Variants in COL5A2 observed in about 807,000 individuals in gnomAD.
COL5A2 encodes collagen type V alpha 2 chain.
COL5A2 carries 23 observed loss-of-function variants against 208.2 expected under a neutral mutation model. The observed-to-expected ratio is 0.11, with a 90% confidence interval of 0.08 to 0.16. The LOEUF is 0.16. COL5A2 is among the 10% of genes least tolerant of loss of function. The pLI, the probability that COL5A2 is intolerant of heterozygous loss-of-function variation, is 1.00. For synonymous variants in COL5A2, 625 were observed against 628.5 expected, an observed-to-expected ratio of 0.99 and a Z score of 0.08; for missense variants, 1,590 against 1,956.4, an observed-to-expected ratio of 0.81 and a Z score of 3.53.
At chr2:189,118,029 A>G (rs1337371548) in intron 1 of COL5A2, among the ~76,000 whole-genome samples, 2 of 152,056 alleles carry the variant, frequency 1.3e-5, no homozygotes, top group Admixed American at 1.3e-4. Context: ...GGATTTTTAT[A>G]TCTAAAGTCA....
In COL5A2 at chr2:189,217,340, G is replaced by C. The variant is rs184584132; in HGVS notation, c.-42+7808C>G. Among the ~76,000 whole-genome samples, 9 of 152,212 alleles carry C rather than the reference G, an allele frequency of 5.9e-5. 1 individual carries two copies. Among genetic ancestry groups the C allele is most frequent in the Admixed American group, 5.9e-4 (9 of 15,296 alleles). On this transcript the variant is annotated intron_variant, in intron 1 of 10. Coordinates refer to the COL5A2 transcript ENST00000649966. ...GCACATAATCATATTTATAATACAA[G>C]TATAAAAAAAGATATTTTAACTGTA...
In COL5A2 at chr2:189,035,169, G is replaced by A. The variant is rs777751790; in HGVS notation, c.4114-14C>T. 1 of 1,613,662 alleles carries A rather than the reference G, an allele frequency of 6.2e-7. No homozygotes were observed. The highest frequency in any genetic ancestry group is 8.5e-7 in the Non-Finnish European group (1 of 1,179,754). On this transcript the variant is annotated splice_polypyrimidine_tract_variant and intron_variant, in intron 52 of 53. Transcript: ENST00000374866. ...TCCATAAGCGAACTAGAAAAACAAA[G>A]AGTCTTTGTCATACACAAGACTGAA...
At chr2:189,328,162 T>C in the COL5A2 span, among the ~76,000 whole-genome samples, 1 of 152,118 alleles carries the variant, frequency 6.6e-6, no homozygotes, top group African/African-American at 2.4e-5. Context: ...AAAATAACAA[T>C]GAACCCATTT....
At chr2:189,335,263 A>C in the COL5A2 span, among the ~76,000 whole-genome samples, 1 of 152,136 alleles carries the variant, frequency 6.6e-6, no homozygotes, top group African/African-American at 2.4e-5. Context: ...CATCAGGGAA[A>C]TGCAAATCAC....
the COL5A2 span, among the ~76,000 whole-genome samples, chr2:189,318,434 C>T: frequency 6.6e-6 from 1 of 152,192 alleles, no homozygotes; most frequent in South Asian, 2.1e-4. Context: ...ACTCCCTCTA[C>T]ATGCCTTATT....
intron 1 of COL5A2, among the ~76,000 whole-genome samples, chr2:189,157,470 C>T (rs921771342): frequency 1.3e-5 from 2 of 151,878 alleles, no homozygotes; most frequent in African/African-American, 4.8e-5. Context: ...ATGATTTCAT[C>T]ATATATCTTC....
At chr2:189,070,938 T>A (rs1369048225) in intron 18 of COL5A2, among the ~76,000 whole-genome samples, 1 of 152,142 alleles carries the variant, frequency 6.6e-6, no homozygotes, top group Non-Finnish European at 1.5e-5. Context: ...AGCAGCGGCA[T>A]CCCCATAGCA....
chr2:189,212,465 C>A (rs557383296), intron 1 of COL5A2, among the ~76,000 whole-genome samples: 91 of 151,994 alleles, frequency 6.0e-4, no homozygotes, highest in African/African-American at 2.1e-3. Flanking sequence ...TGGTGAAACC[C>A]AGTCTCTATT....
the COL5A2 span, among the ~76,000 whole-genome samples, chr2:189,293,672 CAAA>C: frequency 1.3e-5 from 2 of 152,124 alleles, no homozygotes; most frequent in Non-Finnish European, 2.9e-5. Context: ...TGAGGACAGG[CAAA>C]AAGACAGTTG....
intron 6 of COL5A2, 30 bp from the exon 7 acceptor site, chr2:189,092,450 C>G (rs1233235414): frequency 1.5e-6 from 2 of 1,352,710 alleles, no homozygotes; most frequent in South Asian, 1.2e-5. Flanking sequence ...AAATTAGAAC[C>G]CACTGCCAAA....
rs1686158064 is a variant in COL5A2 at position 189,066,662 on chromosome 2, G to A, written c.1455+67C>T. 2.9e-6 allele frequency: 4 copies of A among 1,382,070 alleles called. No individual in the cohort carries two copies. In the Admixed American group the frequency reaches 5.0e-5, roughly 17 times the overall value. 85.6% of individuals were successfully genotyped at this position (1,382,070 alleles called of 1,614,324 possible). ...TCTCATTATTATTTTAAACCCTTGA[G>A]CATTTTGAGCTGTACACTTCCAGAC... On this transcript the variant is annotated intron_variant, in intron 22 of 53. Transcript: ENST00000374866.
At chr2:189,258,768 G>C in the COL5A2 span, among the ~76,000 whole-genome samples, 4 of 152,120 alleles carry the variant, frequency 2.6e-5, no homozygotes, top group Non-Finnish European at 5.9e-5. Context: ...CCCAGAAAAA[G>C]CCACGTCGCC....
At chr2:189,421,252 C>T in the COL5A2 span, among the ~76,000 whole-genome samples, 6 of 151,892 alleles carry the variant, frequency 4.0e-5, no homozygotes, top group Non-Finnish European at 8.8e-5. Context: ...CCTCACCTTA[C>T]GAAACATAAC....
chr2:189,289,832 A>T, the COL5A2 span, among the ~76,000 whole-genome samples: 1 of 152,198 alleles, frequency 6.6e-6, no homozygotes, highest in Non-Finnish European at 1.5e-5. Context: ...AAATAAACTT[A>T]ACCAAGGAGG....
chr2:189,042,019 CAGA>C (rs1685572191), intron 49 of COL5A2, among the ~76,000 whole-genome samples: 1 of 152,132 alleles, frequency 6.6e-6, no homozygotes, highest in Non-Finnish European at 1.5e-5. Flanking sequence ...AAGAAAATGA[CAGA>C]AGTTGGAGTG....
chr2:189,178,814 C>CA (rs1334061903), intron 1 of COL5A2, among the ~76,000 whole-genome samples: 1 of 151,828 alleles, frequency 6.6e-6, no homozygotes, highest in African/African-American at 2.4e-5. Context: ...TGCCTTCCGC[C>CA]ATCCAACCGG....
intron 1 of COL5A2, among the ~76,000 whole-genome samples, chr2:189,161,112 G>A (rs1449213257): frequency 6.6e-6 from 1 of 150,392 alleles, no homozygotes; most frequent in African/African-American, 2.4e-5. Context: ...GGGCCACCGC[G>A]CCCGGCTGTA....
At chr2:189,436,266 A>G in the COL5A2 span, among the ~76,000 whole-genome samples, 2 of 152,188 alleles carry the variant, frequency 1.3e-5, no homozygotes, top group Admixed American at 6.5e-5. Flanking sequence ...AATGGCAACA[A>G]AAACCAAAAT....
the COL5A2 span, among the ~76,000 whole-genome samples, chr2:189,415,746 G>A: frequency 4.3e-4 from 65 of 152,184 alleles, no homozygotes; most frequent in African/African-American, 1.5e-3. Flanking sequence ...TGCAAGCTCC[G>A]CCTCCCAGGT....
Sources: allele counts gnomAD v4.1 joint callset (sites outside exome capture counted in the v4.1 genomes callset), GRCh38; gene constraint gnomAD v4.1.1; transcripts MANE v1.5; gene names NCBI Gene and HGNC (gene_info 2026-07-23, HGNC 2026-07-21).